Variants in SIRPD observed in about 807,000 individuals in gnomAD.
SIRPD encodes the protein signal-regulatory protein delta.
A neutral mutation model predicts 18.0 loss-of-function variants in SIRPD; 21 were observed. The observed-to-expected ratio is 1.17, with a 90% CI of 0.83 to 1.68. The LOEUF is 1.68. SIRPD is among the 40% of genes most tolerant of loss of function. The probability of loss-of-function intolerance (pLI) is 0.00; values close to 1 mark genes in which losing one functional copy is unlikely to be tolerated. For missense variants in SIRPD, 295 were observed against 238.4 expected (o/e 1.24, Z -1.56); for synonymous variants, 106 against 92.9 (o/e 1.14, Z -0.81).
intron 2 of SIRPD, among the ~76,000 whole-genome samples, chr20:1,544,506 T>C (rs1293213270): frequency 6.6e-6 from 1 of 152,032 alleles, no homozygotes; most frequent in Non-Finnish European, 1.5e-5. Flanking sequence ...TGAGCCTATG[T>C]GTATCTTTTC....
In SIRPD at chr20:1,551,887, G is replaced by C. The variant is rs771589803; in HGVS notation, c.225C>G (p.Ile75Met). ...FKGTGPNRKL[I>M]YNFKQGNFPR... The stretch of plus-strand genomic sequence containing the variant: ...GAAAGTTACCTTGTTTGAAATTGTA[G>C]ATTAATTTCCGGTTTGGCCCTGTTC... Residue 75 changes from isoleucine (I) to methionine (M), a missense_variant, in exon 2 of 4, where the codon ATC (isoleucine) becomes ATG (methionine). Transcript: ENST00000381623. The C allele has an allele frequency of 3.1e-6, 5 of 1,614,076 alleles. No individual in the cohort carries two copies. Among genetic ancestry groups the C allele is most frequent in the Non-Finnish European group, 4.2e-6 (5 of 1,179,982 alleles).
At position 1,557,700 on chromosome 20, in the gene SIRPD, A is replaced by T; in HGVS notation, c.-47T>A. On this transcript the variant is annotated 5_prime_UTR_variant, in exon 1 of 4. Coordinates refer to ENST00000381623, the MANE Select transcript of SIRPD (RefSeq NM_178460.3). ...CTCTGCCTGAATGCCTGTCCTGGAG[A>T]TGCCCTCGACTCAGTGCTCCGAGCA... is the stretch of plus-strand genomic sequence containing the variant. 1.3e-6 allele frequency: 2 copies of T among 1,585,952 alleles called. No individual in the cohort carries two copies. The highest frequency in any genetic ancestry group is 1.3e-5 in the African/African-American group (1 of 74,266).
In SIRPD at chr20:1,537,157, G is replaced by GT. The variant is rs745503912; in HGVS notation, c.574dup (p.Thr192AsnfsTer18). ...TACCTGAGGGTGGGGGCACTCACCT[G>GT]TGAGTCCCAGCAGCCGGAGGCAGCA... On this transcript the variant is annotated frameshift_variant, in exon 3 of 4. Coordinates refer to ENST00000381623, the MANE Select transcript of SIRPD (RefSeq NM_178460.3). LOFTEE classifies it high-confidence loss of function. The GT allele has an allele frequency of 6.2e-7, 1 of 1,613,766 alleles. No homozygotes were observed. Among genetic ancestry groups the GT allele is most frequent in the Non-Finnish European group, 8.5e-7 (1 of 1,179,766 alleles).
chr20:1,552,274 G>T (rs757395870), intron 1 of SIRPD, among the ~76,000 whole-genome samples: 1 of 152,148 alleles, frequency 6.6e-6, no homozygotes, highest in Non-Finnish European at 1.5e-5. Context: ...GCCCTCAACC[G>T]TGGTAAGAGG....
At chr20:1,554,636 C>G (rs995554517) in intron 1 of SIRPD, among the ~76,000 whole-genome samples, 1 of 152,010 alleles carries the variant, frequency 6.6e-6, no homozygotes, top group Non-Finnish European at 1.5e-5. Context: ...TTCTAATTGT[C>G]TCAAAATCAG....
chr20:1,537,147 GC>G lies in SIRPD; in HGVS notation c.577+7del. 4.3e-6 allele frequency: 7 copies of G among 1,613,000 alleles called. No individual in the cohort carries two copies. The highest frequency in any genetic ancestry group is 5.9e-6 in the Non-Finnish European group (7 of 1,179,298). On this transcript the variant is annotated splice_region_variant and intron_variant, in intron 3 of 3. Coordinates refer to ENST00000381623, the MANE Select transcript of SIRPD (RefSeq NM_178460.3). ...TGCATCATGGTACCTGAGGGTGGGG[GC>G]ACTCACCTGTGAGTCCCAGCAGCCG...
intron 1 of SIRPD, among the ~76,000 whole-genome samples, chr20:1,555,751 G>T (rs188178223): frequency 6.6e-6 from 1 of 152,126 alleles, no homozygotes; most frequent in African/African-American, 2.4e-5. Context: ...CTTTTCTATC[G>T]CTGAATAACA....
At chr20:1,536,395 G>T (rs1243849470) in intron 3 of SIRPD, among the ~76,000 whole-genome samples, 2 of 99,084 alleles carry the variant, frequency 2.0e-5, no homozygotes, top group Non-Finnish European at 4.0e-5. Context: ...TTGAACCCCG[G>T]CCTGTCGTTT....
intron 2 of SIRPD, among the ~76,000 whole-genome samples, chr20:1,545,966 T>C (rs1025657199): frequency 2.6e-5 from 4 of 152,216 alleles, no homozygotes; most frequent in Non-Finnish European, 5.9e-5. Flanking sequence ...ACAGCAAAGA[T>C]TGCTGCCTGC....
chr20:1,549,735 T>A (rs565120390), intron 2 of SIRPD, among the ~76,000 whole-genome samples: 70 of 152,262 alleles, frequency 4.6e-4, no homozygotes, highest in African/African-American at 1.5e-3. Flanking sequence ...AAATATTTTT[T>A]AAAAATAATT....
intron 2 of SIRPD, among the ~76,000 whole-genome samples, chr20:1,551,243 C>G (rs1226500802): frequency 6.6e-6 from 1 of 152,188 alleles, no homozygotes; most frequent in Admixed American, 6.5e-5. Context: ...CCCTCATGGT[C>G]ATAAGATGCC....
Position 1,557,594 on chromosome 20 carries a change from C to G in SIRPD, c.60G>C (p.Leu20=). The change falls in exon 1 of 4, where the codon CTG becomes CTC. Residue 20 remains leucine (L), a synonymous_variant. Transcript: ENST00000381623. ...GGCCCCACTCACCTGCCAGTTCAAG[C>G]AGCAGATACAGCAGTAAGGAAGGCA... ...PPLPSLLLYL[L]LELAGVTHVF... The G allele has an allele frequency of 6.3e-7, 1 of 1,581,472 alleles. No homozygotes were observed. The highest frequency in any genetic ancestry group is 1.2e-5 in the South Asian group (1 of 86,088).
At chr20:1,538,837 T>A (rs944363793) in intron 2 of SIRPD, among the ~76,000 whole-genome samples, 1 of 152,234 alleles carries the variant, frequency 6.6e-6, no homozygotes, top group African/African-American at 2.4e-5. Context: ...GTTTCCCAAC[T>A]GAGACCCCAG....
chr20:1,548,751 T>G (rs2091005486), intron 2 of SIRPD, among the ~76,000 whole-genome samples: 1 of 117,380 alleles, frequency 8.5e-6, no homozygotes, highest in Non-Finnish European at 1.6e-5. Flanking sequence ...TAGGCACACA[T>G]TTTTTCATAG....
At chr20:1,550,397 G>T (rs1240314180) in intron 2 of SIRPD, among the ~76,000 whole-genome samples, 4 of 152,180 alleles carry the variant, frequency 2.6e-5, no homozygotes, top group African/African-American at 9.6e-5. Flanking sequence ...CACCTTGGTT[G>T]TAAGATGGGG....
chr20:1,538,488 G>A (rs938617182), intron 2 of SIRPD, among the ~76,000 whole-genome samples: 2 of 152,034 alleles, frequency 1.3e-5, no homozygotes, highest in African/African-American at 4.8e-5. Flanking sequence ...CATGCTCTTC[G>A]ACACTCTTCC....
chr20:1,551,592 A>G (rs747030958), intron 2 of SIRPD, 99 bp downstream of exon 2: 14 of 914,458 alleles, frequency 1.5e-5, no homozygotes, highest in Non-Finnish European at 2.3e-5. Context: ...TGTACCTTCA[A>G]TAATATTTGG....
intron 2 of SIRPD, among the ~76,000 whole-genome samples, chr20:1,540,796 C>T (rs2090967715): frequency 6.6e-6 from 1 of 152,166 alleles, no homozygotes; most frequent in Non-Finnish European, 1.5e-5. Context: ...TCTTGTCCCC[C>T]ACCACCCAAC....
intron 1 of SIRPD, among the ~76,000 whole-genome samples, chr20:1,553,494 T>C (rs2091027950): frequency 3.3e-5 from 5 of 152,156 alleles, no homozygotes. Context: ...ATGTGGCTAC[T>C]AGCATCTGTG....
Sources: gnomAD v4.1 joint callset for allele counts (sites outside exome capture counted in the v4.1 genomes callset) on GRCh38, gnomAD v4.1.1 for gene constraint, MANE v1.5 for transcripts, NCBI Gene and HGNC (gene_info 2026-07-23, HGNC 2026-07-21) for gene names.